SMAD4: variants seen among roughly 807,000 people sequenced by gnomAD.
SMAD4 encodes MAD homolog 4.
A neutral mutation model predicts 63.2 loss-of-function variants in SMAD4; 7 were observed. The ratio of observed to expected loss-of-function variants is 0.11; its 90% confidence interval spans 0.06 to 0.21. The LOEUF is 0.21. Ranked by LOEUF, SMAD4 falls within the 10% of genes least tolerant of loss-of-function variation. The probability of loss-of-function intolerance (pLI) is 1.00; values close to 1 mark genes in which losing one functional copy is unlikely to be tolerated. For missense variants in SMAD4, 312 were observed against 693.8 expected, an observed-to-expected ratio of 0.45 and a Z score of 6.18; for synonymous variants, 215 against 235.4, an observed-to-expected ratio of 0.91 and a Z score of 0.79.
In SMAD4 at chr18:51,058,436, C is replaced by A. The variant is rs370176106; in HGVS notation, c.884C>A (p.Pro295Gln). The A allele has an allele frequency of 6.2e-7, 1 of 1,613,512 alleles. No homozygotes were observed. Among genetic ancestry groups the A allele is most frequent in the Admixed American group, 1.7e-5 (1 of 60,012 alleles). Residue 295 changes from proline to glutamine, a missense_variant, in exon 7 of 12, where the codon CCG (proline) becomes CAG (glutamine). Transcript: ENST00000342988. ...NGHLQHHPPM[P>Q]PHPGHYWPVH... ...CATCTTCAGCACCACCCGCCTATGC[C>A]GCCCCATCCCGGACATTACTGTAAG... is the stretch of plus-strand genomic sequence containing the variant.
At chr18:51,039,479 T>TC (rs1348624900) in intron 1 of SMAD4, among the ~76,000 whole-genome samples, 104 of 121,292 alleles carry the variant, frequency 8.6e-4, no homozygotes, top group East Asian at 2.8e-3. Context: ...AAGAGGGCCT[T>TC]CCCCCCCCCA....
intron 1 of SMAD4, among the ~76,000 whole-genome samples, chr18:51,044,517 C>T (rs568098435): frequency 2.6e-5 from 4 of 152,210 alleles, no homozygotes; most frequent in East Asian, 1.9e-4. Flanking sequence ...CTCAGCTCCC[C>T]GCGTAGCTAG....
chr18:51,032,457 G>C (rs1036798375), intron 1 of SMAD4, among the ~76,000 whole-genome samples: 2 of 152,166 alleles, frequency 1.3e-5, no homozygotes, highest in African/African-American at 4.8e-5. Flanking sequence ...GATCTTTTAT[G>C]ATAGCTTTGC....
At chr18:51,073,388 T>TATATATATATATATATAC (rs1417299090) in intron 10 of SMAD4, among the ~76,000 whole-genome samples, 5 of 64,156 alleles carry the variant, frequency 7.8e-5, no homozygotes, top group South Asian at 5.9e-4. Context: ...TATATATATA[T>TATATATATATATATATAC]ACACACACAC....
Position 51,083,361 on chromosome 18 carries a change from A to T in SMAD4, c.*4894A>T. On this transcript the variant is annotated 3_prime_UTR_variant, in exon 12 of 12. Coordinates refer to ENST00000342988, the MANE Select transcript of SMAD4 (RefSeq NM_005359.6). ...CCTTTATGAGAATTGAGGGTCTGACATCCTGCCCCAAGGAGTAGCTAAAGT... is the reference window on the plus strand; with the variant it reads ...CCTTTATGAGAATTGAGGGTCTGACTTCCTGCCCCAAGGAGTAGCTAAAGT... The T allele has an allele frequency of 4.4e-6, 1 of 228,932 alleles. No individual in the cohort carries two copies. Among genetic ancestry groups the T allele is most frequent in the Non-Finnish European group, 8.7e-6 (1 of 115,328 alleles). 14.2% of individuals were successfully genotyped at this position (228,932 alleles called of 1,614,324 possible).
intron 1 of SMAD4, among the ~76,000 whole-genome samples, chr18:51,035,717 G>A (rs1909183571): frequency 6.6e-6 from 1 of 152,176 alleles, no homozygotes; most frequent in Non-Finnish European, 1.5e-5. Flanking sequence ...CAGCTAGCTA[G>A]TACTTCTGTA....
chr18:51,039,889 T>TA (rs776013884), intron 1 of SMAD4, among the ~76,000 whole-genome samples: 149 of 151,618 alleles, frequency 9.8e-4, no homozygotes, highest in Non-Finnish European at 1.7e-3. Context: ...TCTTAAAAGT[T>TA]AAAAAAAAAC....
intron 8 of SMAD4, among the ~76,000 whole-genome samples, chr18:51,061,516 C>T (rs940177814): frequency 6.6e-6 from 1 of 152,172 alleles, no homozygotes; most frequent in Admixed American, 6.5e-5. Context: ...TCCATGTTGT[C>T]TCAAGTGACT....
At chr18:51,065,685 C>G (rs1295315958) in intron 9 of SMAD4, 79 bp downstream of exon 9, 2 of 1,164,966 alleles carry the variant, frequency 1.7e-6, no homozygotes, top group Admixed American at 2.0e-5. Flanking sequence ...TATGTTTTCC[C>G]ATGTACATTA....
At chr18:51,059,647 C>T (rs1348296166) in intron 7 of SMAD4, among the ~76,000 whole-genome samples, 1 of 152,098 alleles carries the variant, frequency 6.6e-6, no homozygotes, top group African/African-American at 2.4e-5. Flanking sequence ...TAGCACTTGG[C>T]AGATAGCACT....
At chr18:51,060,986 G>A (rs1225820463) in intron 8 of SMAD4, among the ~76,000 whole-genome samples, 2 of 151,948 alleles carry the variant, frequency 1.3e-5, no homozygotes, top group South Asian at 4.1e-4. Flanking sequence ...TGATCCTCCT[G>A]TCTTAGCCTC....
At chr18:51,052,171 ATAAT>A (rs1367441099) in intron 4 of SMAD4, among the ~76,000 whole-genome samples, 1 of 152,172 alleles carries the variant, frequency 6.6e-6, no homozygotes, top group African/African-American at 2.4e-5. Flanking sequence ...ATATGGTTAA[ATAAT>A]AATAGCTAAC....
Position 51,078,547 on chromosome 18 carries a change from AT to A in SMAD4, c.*83del. 9.8e-7 allele frequency: 1 copy of A among 1,020,882 alleles called. No homozygotes were observed. The highest frequency in any genetic ancestry group is 1.5e-6 in the Non-Finnish European group (1 of 676,304). The allele number at this position is 1,020,882 out of a possible 1,614,324, so 63.2% of individuals were successfully genotyped here. On this transcript the variant is annotated 3_prime_UTR_variant, in exon 12 of 12. Coordinates refer to ENST00000342988, the MANE Select transcript of SMAD4 (RefSeq NM_005359.6). The stretch of plus-strand genomic sequence containing the variant: ...AATCCTGTTTATAATCTGAAGATAT[AT>A]TTCACTTTTGTTCTGCTTTATCTTT...
intron 4 of SMAD4, among the ~76,000 whole-genome samples, chr18:51,050,610 G>C (rs1249897624): frequency 6.7e-6 from 1 of 149,782 alleles, no homozygotes; most frequent in East Asian, 2.0e-4. Context: ...AGTGAGCCGA[G>C]ATAGTGGCAC....
chr18:51,059,465 T>G (rs560454351), intron 7 of SMAD4, among the ~76,000 whole-genome samples: 14 of 152,246 alleles, frequency 9.2e-5, no homozygotes, highest in Non-Finnish European at 1.8e-4. Flanking sequence ...TAGCTATGAT[T>G]CCATTAAATA....
chr18:51,049,596 A>G (rs993801505), intron 4 of SMAD4: 1 of 403,798 alleles, frequency 2.5e-6, no homozygotes, highest in Non-Finnish European at 4.5e-6. Context: ...AAAAACAAAT[A>G]TAAAGAATAT....
At position 51,084,047 on chromosome 18, in the gene SMAD4, T is replaced by TCACA. The variant is rs1910686898; in HGVS notation, c.*5582_*5583insCACA. ...ACACACACACACACACACACACAGG[T>TCACA]CAGAGTTTAAGGCTTTCGAGTCATG... On this transcript the variant is annotated 3_prime_UTR_variant, in exon 12 of 12. Transcript: ENST00000342988. The TCACA allele has an allele frequency of 5.0e-6, 1 of 200,440 alleles. No homozygotes were observed. Among genetic ancestry groups the TCACA allele is most frequent in the Admixed American group, 7.0e-5 (1 of 14,346 alleles). The allele number at this position is 200,440 out of a possible 1,614,324, so 12.4% of individuals were successfully genotyped here. A position where few individuals can be genotyped will look rare whatever the true frequency, so the allele number is the denominator to read the frequency against.
intron 8 of SMAD4, among the ~76,000 whole-genome samples, chr18:51,061,507 C>T (rs1043670175): frequency 3.3e-5 from 5 of 152,170 alleles, no homozygotes; most frequent in Non-Finnish European, 5.9e-5. Context: ...CCAGTTCTAT[C>T]CATGTTGTCT....
At chr18:51,058,483 C>A in intron 7 of SMAD4, 27 bp downstream of exon 7, 6 of 1,258,454 alleles carry the variant, frequency 4.8e-6, no homozygotes, top group South Asian at 1.3e-5. Flanking sequence ...GTTGTAAGGG[C>A]TATTTTTTTT....
Sources: gnomAD v4.1 joint callset for allele counts (sites outside exome capture counted in the v4.1 genomes callset) on GRCh38, gnomAD v4.1.1 for gene constraint, MANE v1.5 for transcripts, NCBI Gene and HGNC (gene_info 2026-07-23, HGNC 2026-07-21) for gene names.